The following HNMT variants were observed in gnomAD, a reference collection of about 807,000 sequenced individuals.
The protein encoded by HNMT is histamine N-methyltransferase.
Under a neutral mutation model 32.1 loss-of-function variants are expected in HNMT, and 30 were observed. The ratio of observed to expected loss-of-function variants is 0.93; its 90% confidence interval spans 0.70 to 1.27. The LOEUF (loss-of-function observed/expected upper bound fraction) is 1.27. Ranked by LOEUF, HNMT falls within the 50% of genes most tolerant of loss-of-function variation. The pLI is 0.00. For synonymous variants in HNMT, 125 were observed against 119.0 expected, an observed-to-expected ratio of 1.05 and a Z score of -0.33; for missense variants, 327 against 346.0, an observed-to-expected ratio of 0.95 and a Z score of 0.43.
chr2:137,969,882 T>C (rs987007416), intron 1 of HNMT, among the ~76,000 whole-genome samples: 6 of 152,208 alleles, frequency 3.9e-5, no homozygotes, highest in African/African-American at 1.4e-4. Context: ...ACTTTTTCTG[T>C]TCTTGTTCTC....
At chr2:137,988,990 C>T (rs554452496) in intron 2 of HNMT, among the ~76,000 whole-genome samples, 3 of 152,258 alleles carry the variant, frequency 2.0e-5, no homozygotes, top group East Asian at 3.9e-4. Context: ...TTCCATACAA[C>T]CCCTGCTCTC....
intron 5 of HNMT, 56 bp downstream of exon 5, chr2:138,005,281 G>T: frequency 3.3e-6 from 3 of 914,270 alleles, no homozygotes; most frequent in South Asian, 1.4e-5. Flanking sequence ...ACGTATGCAT[G>T]GATTCCTGTG....
chr2:138,000,758 C>G (rs916571211), intron 2 of HNMT, among the ~76,000 whole-genome samples, 160 bp from the exon 3 acceptor site: 1 of 152,072 alleles, frequency 6.6e-6, no homozygotes, highest in African/African-American at 2.4e-5. Flanking sequence ...CTACTTAGAA[C>G]CTAGCTGCCC....
At chr2:138,001,553 T>C (rs775838071) in intron 3 of HNMT, among the ~76,000 whole-genome samples, 3 of 152,192 alleles carry the variant, frequency 2.0e-5, no homozygotes, top group Non-Finnish European at 4.4e-5. Context: ...TTCATATCAT[T>C]TTCACATATG....
At position 137,994,724 on chromosome 2, in the gene HNMT, G is replaced by A. The variant is rs186208581; in HGVS notation, c.191-6194G>A. 8.5e-5 allele frequency among the ~76,000 whole-genome samples: 13 copies of A among 152,188 alleles called. No individual in the cohort carries two copies. The East Asian group carries it at 9.6e-4, about 11-fold the overall frequency. ...CAAATCAACAGAATATACATTCTTC[G>A]CAATGCCACTTGGCACTTATTCTAA... On this transcript the variant is annotated intron_variant, in intron 2 of 5. Transcript: ENST00000280097.
intron 5 of HNMT, 52 bp from the exon 6 acceptor site, chr2:138,013,723 T>G: frequency 1.4e-6 from 2 of 1,419,242 alleles, no homozygotes; most frequent in Non-Finnish European, 1.9e-6. Flanking sequence ...TCTGGCAGAC[T>G]GCAAATGAAA....
At chr2:138,000,566 AT>A (rs1681136361) in intron 2 of HNMT, among the ~76,000 whole-genome samples, 1 of 562 alleles carries the variant, frequency 1.8e-3, no homozygotes, top group Admixed American at 0.026. Flanking sequence ...TCTCCAGTTG[AT>A]AAAAATCTTA....
intron 2 of HNMT, among the ~76,000 whole-genome samples, chr2:137,989,718 C>T (rs114401778): frequency 1.3e-5 from 2 of 152,166 alleles, no homozygotes; most frequent in Non-Finnish European, 2.9e-5. Flanking sequence ...CCACCAGCAG[C>T]GAATGAGAGT....
At chr2:137,985,970 AAAAAT>A (rs967874778) in intron 2 of HNMT, among the ~76,000 whole-genome samples, 2 of 152,144 alleles carry the variant, frequency 1.3e-5, no homozygotes, top group Non-Finnish European at 2.9e-5. Flanking sequence ...CTCCATCTCA[AAAAAT>A]AAAATAAAAT....
chr2:137,970,933 A>AAAAGAAAGAAAGAAAG (rs779617692), intron 2 of HNMT, among the ~76,000 whole-genome samples: 1 of 86,688 alleles, frequency 1.2e-5, no homozygotes, highest in African/African-American at 4.5e-5. Context: ...AAAAAAAAAA[A>AAAAGAAAGAAAGAAAG]AAAGAAAGAA....
intron 5 of HNMT, among the ~76,000 whole-genome samples, chr2:138,008,309 A>G (rs1041244056): frequency 6.6e-6 from 1 of 152,042 alleles, no homozygotes; most frequent in Non-Finnish European, 1.5e-5. Context: ...TCCCCAGAAA[A>G]GACATGATCT....
At chr2:137,997,935 G>A (rs560374316) in intron 2 of HNMT, among the ~76,000 whole-genome samples, 78 of 152,132 alleles carry the variant, frequency 5.1e-4, no homozygotes, top group African/African-American at 1.5e-3. Flanking sequence ...ACCAAATACC[G>A]CATGTTCTCA....
Position 137,970,371 on chromosome 2 carries a change from GC to G in HNMT, c.190+159del, listed in dbSNP as rs1460742374. Among the ~76,000 whole-genome samples, 5 of 151,694 alleles carry G rather than the reference GC, an allele frequency of 3.3e-5. No homozygotes were observed. In the East Asian group the frequency reaches 9.7e-4, roughly 29 times the overall value. ...CAATATTACTTCAACTAACATTAATGCCCCCATAGATTTACAGGGTTTAGGA... is the reference window on the plus strand; with the variant it reads ...CAATATTACTTCAACTAACATTAATGCCCCATAGATTTACAGGGTTTAGGA... On this transcript the variant is annotated intron_variant, in intron 2 of 5. Transcript: ENST00000280097.
Position 138,014,477 on chromosome 2 carries a change from ATTCT to A in HNMT, c.*350_*353del, listed in dbSNP as rs534506015. The A allele has an allele frequency of 2.3e-4, 43 of 189,668 alleles. No homozygotes were observed. The highest frequency in any genetic ancestry group is 3.9e-4 in the Non-Finnish European group (35 of 90,484). 11.7% of individuals were successfully genotyped at this position (189,668 alleles called of 1,614,324 possible). ...AATACTAATAAAATACATACTATAG[ATTCT>A]TTATTAGTGAAGTATGCACTAATCA... On this transcript the variant is annotated 3_prime_UTR_variant, in exon 6 of 6. Transcript: ENST00000280097.
chr2:137,990,721 A>T (rs1336122509), intron 2 of HNMT, among the ~76,000 whole-genome samples: 3 of 152,144 alleles, frequency 2.0e-5, no homozygotes, highest in Non-Finnish European at 4.4e-5. Context: ...ATGTACATAC[A>T]TATGTATATG....
Position 138,015,125 on chromosome 2 carries a change from T to C in HNMT, c.*995T>C, listed in dbSNP as rs1681624209. On this transcript the variant is annotated 3_prime_UTR_variant, in exon 6 of 6. Coordinates refer to ENST00000280097, the MANE Select transcript of HNMT (RefSeq NM_006895.3). ...TTCTTATGTCACTCTCAAGAACTCCTATAAGACCAAGAGTCATCTTTGGAC... is the reference window on the plus strand; with the variant it reads ...TTCTTATGTCACTCTCAAGAACTCCCATAAGACCAAGAGTCATCTTTGGAC... 1 of 152,118 alleles carries C rather than the reference T, an allele frequency of 6.6e-6. No individual in the cohort carries two copies. The highest frequency in any genetic ancestry group is 2.1e-4 in the South Asian group (1 of 4,832). 9.4% of individuals were successfully genotyped at this position (152,118 alleles called of 1,614,324 possible).
chr2:137,981,257 T>C, intron 2 of HNMT: 1 of 1,613,682 alleles, frequency 6.2e-7, no homozygotes, highest in East Asian at 2.2e-5. Flanking sequence ...CAAGCGGAAT[T>C]CGTGTTTCAT....
intron 1 of HNMT, 83 bp from the exon 2 acceptor site, chr2:137,970,082 G>C: frequency 1.4e-6 from 1 of 704,200 alleles, no homozygotes; most frequent in South Asian, 2.0e-5. Flanking sequence ...TTTTTAGTCT[G>C]TTCTCTTCAA....
intron 2 of HNMT, among the ~76,000 whole-genome samples, chr2:137,985,409 C>G (rs1464711843): frequency 6.6e-6 from 1 of 152,162 alleles, no homozygotes; most frequent in East Asian, 1.9e-4. Context: ...TTAGGGATTT[C>G]CTTGCAGCCT....
Sources: allele counts gnomAD v4.1 joint callset (sites outside exome capture counted in the v4.1 genomes callset), GRCh38; gene constraint gnomAD v4.1.1; transcripts MANE v1.5; gene names NCBI Gene and HGNC (gene_info 2026-07-23, HGNC 2026-07-21).